ULK4: variants seen among roughly 807,000 people sequenced by gnomAD.
The protein encoded by ULK4 is unc-51 like kinase 4, also known as inactive serine/threonine-protein kinase ULK4.
A neutral mutation model predicts 160.6 loss-of-function variants in ULK4; 133 were observed. The ratio of observed to expected loss-of-function variants is 0.83; its 90% CI spans 0.72 to 0.96. ULK4 has a LOEUF of 0.96. Among genes scored for constraint, ULK4 ranks in the 40% least tolerant of loss-of-function variants. The pLI is 0.00. For missense variants in ULK4, 1,580 were observed against 1,499.5 expected, an observed-to-expected ratio of 1.05 and a Z score of -0.89; for synonymous variants, 534 against 539.8, an observed-to-expected ratio of 0.99 and a Z score of 0.15.
intron 31 of ULK4, among the ~76,000 whole-genome samples, chr3:41,603,125 C>A (rs986993480): frequency 1.3e-5 from 2 of 151,888 alleles, no homozygotes; most frequent in Admixed American, 1.3e-4. Flanking sequence ...AGTGAACATG[C>A]AACAGGAGAT....
At chr3:41,928,290 C>A (rs1699455486) in intron 5 of ULK4, among the ~76,000 whole-genome samples, 1 of 152,136 alleles carries the variant, frequency 6.6e-6, no homozygotes, top group South Asian at 2.1e-4. Flanking sequence ...TAAAGAAGTT[C>A]TTTGAAACCA....
intron 35 of ULK4, among the ~76,000 whole-genome samples, chr3:41,329,732 A>G (rs898400895): frequency 5.3e-5 from 8 of 152,344 alleles, no homozygotes; most frequent in Non-Finnish European, 8.8e-5. Flanking sequence ...CCACTGACGA[A>G]CATTTAGATT....
chr3:41,605,022 A>T lies in ULK4; in HGVS notation c.3120+10647T>A, dbSNP rs535115847. ...GTTAAAATTTGATCTGTGATCCTTT[A>T]TGTTCAATGATCTCTCAGCTACTTT... On this transcript the variant is annotated intron_variant, in intron 31 of 36. Transcript: ENST00000301831. Among the ~76,000 whole-genome samples, 15 of 152,152 alleles carry T rather than the reference A, an allele frequency of 9.9e-5. No individual in the cohort carries two copies. The East Asian group carries it at 2.9e-3, about 29-fold the overall frequency.
intron 17 of ULK4, among the ~76,000 whole-genome samples, chr3:41,850,793 G>A (rs1455375136): frequency 6.6e-6 from 1 of 152,164 alleles, no homozygotes; most frequent in Non-Finnish European, 1.5e-5. Context: ...CTGTTGCTGT[G>A]CAGAAGCTCT....
At chr3:41,775,615 T>C (rs2039582790) in intron 21 of ULK4, among the ~76,000 whole-genome samples, 1 of 150,574 alleles carries the variant, frequency 6.6e-6, no homozygotes, top group African/African-American at 2.5e-5. Flanking sequence ...GCCAGGCTGG[T>C]CTTGAACTCC....
chr3:41,637,288 G>A (rs1204575236), intron 30 of ULK4, among the ~76,000 whole-genome samples: 1 of 152,126 alleles, frequency 6.6e-6, no homozygotes, highest in Non-Finnish European at 1.5e-5. Context: ...GTGAGATGAT[G>A]CAGTATTTGT....
intron 2 of ULK4, among the ~76,000 whole-genome samples, chr3:41,942,130 C>A (rs1467873713): frequency 6.6e-6 from 1 of 152,120 alleles, no homozygotes; most frequent in Non-Finnish European, 1.5e-5. Context: ...ACTGAGAACT[C>A]GAAAAGTGGC....
chr3:41,912,972 A>G (rs1041500783), intron 8 of ULK4, 73 bp from the exon 9 acceptor site: 13 of 1,337,230 alleles, frequency 9.7e-6, no homozygotes, highest in Non-Finnish European at 1.3e-5. Context: ...ACATGTCCCA[A>G]TTACACATAG....
chr3:41,317,429 T>G (rs77640803), intron 35 of ULK4, among the ~76,000 whole-genome samples: 1 of 152,140 alleles, frequency 6.6e-6, no homozygotes, highest in Non-Finnish European at 1.5e-5. Context: ...TTTTGAAACA[T>G]TGTCATTTTA....
chr3:41,825,030 C>T (rs575742798), intron 18 of ULK4, among the ~76,000 whole-genome samples: 7 of 152,340 alleles, frequency 4.6e-5, no homozygotes, highest in South Asian at 2.1e-4. Flanking sequence ...CTGCAGCCTC[C>T]GCTGCTGATA....
At chr3:41,634,050 T>C (rs1408068216) in intron 30 of ULK4, among the ~76,000 whole-genome samples, 2 of 152,188 alleles carry the variant, frequency 1.3e-5, no homozygotes, top group South Asian at 2.1e-4. Flanking sequence ...GATGTTCCAA[T>C]GCCAGAGTCA....
At chr3:41,791,666 A>G (rs1200817772) in intron 20 of ULK4, among the ~76,000 whole-genome samples, 1 of 152,018 alleles carries the variant, frequency 6.6e-6, no homozygotes, top group Admixed American at 6.5e-5. Context: ...TTACACTCCA[A>G]TGCCAATGAC....
chr3:41,902,534 C>T (rs185458973), intron 12 of ULK4, among the ~76,000 whole-genome samples: 18 of 147,000 alleles, frequency 1.2e-4, no homozygotes, highest in African/African-American at 2.8e-4. Flanking sequence ...GCCGAGATTG[C>T]GCCATCGCAC....
intron 34 of ULK4, among the ~76,000 whole-genome samples, chr3:41,425,322 C>G (rs1003698550): frequency 6.6e-6 from 1 of 152,128 alleles, no homozygotes; most frequent in Non-Finnish European, 1.5e-5. Context: ...CTATAACTGA[C>G]TGGGGTACCT....
At chr3:41,486,186 T>C (rs1371954846) in intron 32 of ULK4, among the ~76,000 whole-genome samples, 1 of 152,096 alleles carries the variant, frequency 6.6e-6, no homozygotes, top group Non-Finnish European at 1.5e-5. Context: ...GGCAGGAATA[T>C]AAAGGGCTAA....
At chr3:41,782,300 T>C (rs1377146582) in intron 21 of ULK4, among the ~76,000 whole-genome samples, 2 of 152,132 alleles carry the variant, frequency 1.3e-5, no homozygotes, top group African/African-American at 4.8e-5. Flanking sequence ...TCTTGTCCTG[T>C]TTAGATTTTT....
chr3:41,251,952 C>A (rs1019543686), intron 35 of ULK4, among the ~76,000 whole-genome samples: 10 of 152,164 alleles, frequency 6.6e-5, no homozygotes, highest in Non-Finnish European at 1.0e-4. Context: ...CCTGTGTATG[C>A]ATGGAACCGA....
At chr3:41,874,999 C>T (rs1331527901) in intron 17 of ULK4, among the ~76,000 whole-genome samples, 2 of 152,116 alleles carry the variant, frequency 1.3e-5, no homozygotes, top group Non-Finnish European at 2.9e-5. Context: ...TAATATGAGA[C>T]ACCATCTCTA....
chr3:41,813,177 G>GA (rs1015345728), intron 19 of ULK4, among the ~76,000 whole-genome samples: 16 of 152,108 alleles, frequency 1.1e-4, no homozygotes, highest in African/African-American at 3.4e-4. Flanking sequence ...AGGAGCATCA[G>GA]AAAAAACAGC....
Sources: gnomAD v4.1 joint callset for allele counts (sites outside exome capture counted in the v4.1 genomes callset) on GRCh38, gnomAD v4.1.1 for gene constraint, MANE v1.5 for transcripts, NCBI Gene and HGNC (gene_info 2026-07-23, HGNC 2026-07-21) for gene names.